The following VWA8 variants were observed in gnomAD, a reference collection of about 807,000 sequenced individuals.
VWA8 encodes the protein von Willebrand factor A domain containing 8, also known as von Willebrand factor A domain-containing protein 8.
Under a neutral mutation model 241.5 loss-of-function variants are expected in VWA8, and 221 were observed. The ratio of observed to expected loss-of-function variants is 0.91; its 90% CI spans 0.82 to 1.02. VWA8 has a LOEUF of 1.02. Among genes scored for constraint, VWA8 ranks in the 50% least tolerant of loss-of-function variants. The pLI is 0.00. For missense variants in VWA8, 2,322 were observed against 2,328.7 expected (o/e 1.00, Z 0.06); for synonymous variants, 852 against 827.1 (o/e 1.03, Z -0.52).
chr13:41,949,827 G>A, intron 2 of VWA8, 109 bp downstream of exon 2: 1 of 554,692 alleles, frequency 1.8e-6, no homozygotes, highest in South Asian at 4.0e-5. Context: ...GAAGCTGGAT[G>A]ATAAAATCAT....
At chr13:41,674,471 T>G (rs1376987021) in intron 36 of VWA8, among the ~76,000 whole-genome samples, 1 of 152,034 alleles carries the variant, frequency 6.6e-6, no homozygotes, top group Non-Finnish European at 1.5e-5. Context: ...GTAGAAAGAT[T>G]AGAGGAAGAA....
intron 2 of VWA8, among the ~76,000 whole-genome samples, chr13:41,931,920 G>A (rs1877142346): frequency 6.6e-6 from 1 of 151,958 alleles, no homozygotes; most frequent in South Asian, 2.1e-4. Context: ...AGAAAAAGAA[G>A]AGAAAATGAG....
chr13:41,793,754 T>G (rs957891514), intron 17 of VWA8, among the ~76,000 whole-genome samples: 3 of 152,150 alleles, frequency 2.0e-5, no homozygotes, highest in African/African-American at 7.2e-5. Context: ...AGGTGGAGGT[T>G]GCAGTGAGCC....
chr13:41,631,467 ACATGGACTCC>A (rs1478982472), intron 37 of VWA8, among the ~76,000 whole-genome samples: 1 of 152,146 alleles, frequency 6.6e-6, no homozygotes, highest in Non-Finnish European at 1.5e-5. Flanking sequence ...ACTGGGCCTT[ACATGGACTCC>A]CTGTCATAGC....
intron 31 of VWA8, 143 bp from the exon 32 acceptor site, chr13:41,691,588 A>C: frequency 8.2e-7 from 1 of 1,218,554 alleles, no homozygotes; most frequent in South Asian, 1.8e-5. Flanking sequence ...ATGTTAATTA[A>C]AAAAACAGAT....
intron 17 of VWA8, among the ~76,000 whole-genome samples, chr13:41,788,038 T>C (rs999557261): frequency 1.3e-5 from 2 of 152,206 alleles, no homozygotes; most frequent in Non-Finnish European, 2.9e-5. Flanking sequence ...ATATATCTGC[T>C]TATCTATTCT....
intron 2 of VWA8, 30 bp downstream of exon 2, chr13:41,949,902 GTTAT>G: frequency 7.8e-7 from 1 of 1,278,080 alleles, no homozygotes. Flanking sequence ...AAAGTTAAAA[GTTAT>G]TCATTCATAT....
At chr13:41,796,598 C>T (rs1285052857) in intron 17 of VWA8, among the ~76,000 whole-genome samples, 1 of 151,928 alleles carries the variant, frequency 6.6e-6, no homozygotes, top group Admixed American at 6.6e-5. Context: ...CAAAGAACTA[C>T]CTTTTGGTTG....
chr13:41,837,202 G>C (rs1871780956), intron 12 of VWA8, among the ~76,000 whole-genome samples: 1 of 152,160 alleles, frequency 6.6e-6, no homozygotes, highest in Non-Finnish European at 1.5e-5. Flanking sequence ...TTACAGGTAT[G>C]AGCCACTGCC....
chr13:41,878,691 T>C (rs1280938189), intron 9 of VWA8, among the ~76,000 whole-genome samples: 1 of 152,146 alleles, frequency 6.6e-6, no homozygotes, highest in Non-Finnish European at 1.5e-5. Context: ...ACATTCAAAT[T>C]TGAAATCATT....
chr13:41,932,199 G>A (rs188180025), intron 2 of VWA8, among the ~76,000 whole-genome samples: 9 of 152,064 alleles, frequency 5.9e-5, no homozygotes, highest in Admixed American at 3.9e-4. Context: ...TTATGCTAAT[G>A]TATTCCACAA....
chr13:41,610,516 G>T (rs1480748640), intron 39 of VWA8, among the ~76,000 whole-genome samples: 1 of 152,092 alleles, frequency 6.6e-6, no homozygotes, highest in African/African-American at 2.4e-5. Context: ...GTCTGAGCTG[G>T]CAGGCTTTCC....
intron 43 of VWA8, among the ~76,000 whole-genome samples, chr13:41,572,082 G>T (rs904318665): frequency 1.3e-5 from 2 of 151,872 alleles, no homozygotes; most frequent in Admixed American, 1.3e-4. Context: ...CGGCTGCCCC[G>T]TCTGAGCAGT....
Position 41,761,172 on chromosome 13 carries a change from G to C in VWA8, c.2382C>G (p.Phe794Leu), listed in dbSNP as rs145470651. 9.9e-6 allele frequency: 16 copies of C among 1,611,498 alleles called. No homozygotes were observed. In the African/African-American group the frequency reaches 2.0e-4, roughly 20 times the overall value. The change falls in exon 21 of 45, where the codon TTC (phenylalanine) becomes TTG (leucine). Residue 794 changes from phenylalanine to leucine, a missense_variant. Physicochemically the swap from Phe to Leu is conservative, Grantham distance 22 (BLOSUM62 0). Transcript: ENST00000379310. Reference sequence around the variant, plus strand: ...CTCGGGGTCTGTTGAGCAGGTGAAGGAATCTGTCAACAATCTTGTTTTTTC... The same window carrying C: ...CTCGGGGTCTGTTGAGCAGGTGAAGCAATCTGTCAACAATCTTGTTTTTTC... ...GVGKNKIVDRFLHLLNRPREY... is the reference protein window; with the variant it reads ...GVGKNKIVDRLLHLLNRPREY...
intron 43 of VWA8, among the ~76,000 whole-genome samples, chr13:41,573,245 T>TAA (rs1555303492): frequency 8.0e-5 from 12 of 150,658 alleles, no homozygotes; most frequent in African/African-American, 2.9e-4. Context: ...CCATCTCTAC[T>TAA]AAAGATACAA....
rs190022694 is a variant in VWA8 at position 41,806,899 on chromosome 13, T to C, written c.2063+4326A>G. 3.4e-5 allele frequency among the ~76,000 whole-genome samples: 5 copies of C among 147,914 alleles called. No homozygotes were observed. In the East Asian group the frequency reaches 9.8e-4, roughly 29 times the overall value. On this transcript the variant is annotated intron_variant, in intron 17 of 44. Coordinates refer to ENST00000379310, the MANE Select transcript of VWA8 (RefSeq NM_015058.2). Reference sequence around the variant, plus strand: ...CTCAAAAAAAAAAAAAAGGAAAAGATTAATGAAATGAAAAGTTAGTTTTTT... The same window carrying C: ...CTCAAAAAAAAAAAAAAGGAAAAGACTAATGAAATGAAAAGTTAGTTTTTT...
intron 2 of VWA8, among the ~76,000 whole-genome samples, chr13:41,927,595 A>G (rs768700692): frequency 1.3e-5 from 2 of 152,168 alleles, no homozygotes; most frequent in African/African-American, 4.8e-5. Flanking sequence ...CCTGCAAAAC[A>G]AAAAAGTATA....
At position 41,611,322 on chromosome 13, in the gene VWA8, T is replaced by C. The variant is rs2044586548; in HGVS notation, c.4877+254A>G. Among the ~76,000 whole-genome samples, 3 of 152,204 alleles carry C rather than the reference T, an allele frequency of 2.0e-5. No homozygotes were observed. In the South Asian group the frequency reaches 6.2e-4, roughly 32 times the overall value. On this transcript the variant is annotated intron_variant, in intron 39 of 44. Transcript: ENST00000379310. ...TGTAGACTTACCTGAATTCCCTATG[T>C]TGCCTAGGAACAGATAGACATGGAT...
rs1416626531 is a variant in VWA8 at position 41,961,052 on chromosome 13, C to G, written c.-37G>C. On this transcript the variant is annotated 5_prime_UTR_variant, in exon 1 of 45. Coordinates refer to ENST00000379310, the MANE Select transcript of VWA8 (RefSeq NM_015058.2). ...GGCTGTCGGGGACGGCGAGGGGGCT[C>G]GGGGATCGAGCGGCGTCCCGTGCAG... 1.4e-5 allele frequency: 19 copies of G among 1,353,506 alleles called. No individual in the cohort carries two copies. Among genetic ancestry groups the G allele is most frequent in the South Asian group, 1.8e-5 (1 of 56,504 alleles). 83.8% of individuals were successfully genotyped at this position (1,353,506 alleles called of 1,614,324 possible).
Sources: allele counts gnomAD v4.1 joint callset (sites outside exome capture counted in the v4.1 genomes callset), GRCh38; gene constraint gnomAD v4.1.1; transcripts MANE v1.5; gene names NCBI Gene and HGNC (gene_info 2026-07-23, HGNC 2026-07-21).